DPY19L4: variants seen among roughly 807,000 people sequenced by gnomAD.
The protein encoded by DPY19L4 is probable C-mannosyltransferase DPY19L4.
In DPY19L4, 97 loss-of-function variants were observed where a neutral mutation model predicts 102.8. The ratio of observed to expected loss-of-function variants is 0.94; its 90% CI spans 0.80 to 1.12. DPY19L4 has a LOEUF of 1.12. Among genes scored for constraint, DPY19L4 ranks in the 50% most tolerant of loss-of-function variants. The pLI is 0.00. For synonymous variants in DPY19L4, 252 were observed against 283.1 expected (o/e 0.89, Z 1.10); for missense variants, 815 against 850.4 (o/e 0.96, Z 0.52).
At position 94,739,460 on chromosome 8, in the gene DPY19L4, A is replaced by G. The variant is rs370537621; in HGVS notation, c.391A>G (p.Ile131Val). 7 of 1,606,838 alleles carry G rather than the reference A, an allele frequency of 4.4e-6. No homozygotes were observed. The African/African-American group carries it at 9.4e-5, about 22-fold the overall frequency. The part of the protein sequence containing the change: ...HNNKTVSLKT[I>V]NAVQQMSLYP... ...TAACAAAACTGTATCTCTGAAGACT[A>G]TAAATGCAGTGCAGCAAATGTCTCT... The change falls in exon 5 of 19, where the codon ATA becomes GTA. Residue 131 changes from isoleucine to valine, a missense_variant. Physicochemically the swap from Ile to Val is conservative, Grantham distance 29. Coordinates refer to ENST00000414645, the MANE Select transcript of DPY19L4 (RefSeq NM_181787.3).
intron 14 of DPY19L4, among the ~76,000 whole-genome samples, chr8:94,779,757 CTT>C (rs1432793125): frequency 6.6e-6 from 1 of 152,184 alleles, no homozygotes; most frequent in African/African-American, 2.4e-5. Flanking sequence ...AGGGAGATAA[CTT>C]AGATGTTTCC....
intron 1 of DPY19L4, among the ~76,000 whole-genome samples, chr8:94,723,238 C>T (rs746076983): frequency 2.0e-5 from 3 of 152,030 alleles, no homozygotes; most frequent in Non-Finnish European, 4.4e-5. Context: ...TTTGGGAGGC[C>T]GAGGCGGGCA....
intron 1 of DPY19L4, among the ~76,000 whole-genome samples, chr8:94,723,780 C>A (rs555776986): frequency 4.8e-4 from 73 of 151,892 alleles, no homozygotes; most frequent in Non-Finnish European, 7.9e-4. Flanking sequence ...GTTTTTTTTC[C>A]CCTTGAAAAA....
In DPY19L4 at chr8:94,790,852, T is replaced by C. The variant is rs1206741154; in HGVS notation, c.*942T>C. 1 of 152,108 alleles carries C rather than the reference T, an allele frequency of 6.6e-6. No individual in the cohort carries two copies. The highest frequency in any genetic ancestry group is 1.9e-4 in the East Asian group (1 of 5,208). 9.4% of individuals were successfully genotyped at this position (152,108 alleles called of 1,614,324 possible). On this transcript the variant is annotated 3_prime_UTR_variant, in exon 19 of 19. Coordinates refer to ENST00000414645, the MANE Select transcript of DPY19L4 (RefSeq NM_181787.3). ...ACATGCAGATGTTGTTAAACGTACCTCTGCATACAGATATATTATAAAACA... is the reference window on the plus strand; with the variant it reads ...ACATGCAGATGTTGTTAAACGTACCCCTGCATACAGATATATTATAAAACA...
rs1287529797 is a variant in DPY19L4 at position 94,777,712 on chromosome 8, G to A, written c.1501G>A (p.Gly501Ser). The change falls in exon 14 of 19, where the codon GGT becomes AGT. Residue 501 changes from glycine to serine, a missense_variant. Transcript: ENST00000414645. ...TTATGTGTGCATGTTAGCAGCATTT[G>A]GTGTATGTTCTCCCGAACTTTGGAT... Reference protein sequence around the residue: ...IPYVCMLAAFGVCSPELWMTL... With the variant: ...IPYVCMLAAFSVCSPELWMTL... 4 of 1,613,840 alleles carry A rather than the reference G, an allele frequency of 2.5e-6. No individual in the cohort carries two copies. The highest frequency in any genetic ancestry group is 3.4e-6 in the Non-Finnish European group (4 of 1,179,974).
chr8:94,742,585 G>A lies in DPY19L4; in HGVS notation c.611+2795G>A, dbSNP rs376062892. ...TTTTTTTTTTTTTTTTTGAGATGGA[G>A]TCTTTCTCTGTTGCCCAGGCTGGAG... On this transcript the variant is annotated intron_variant, in intron 6 of 18. Transcript: ENST00000414645. 1.1e-4 allele frequency among the ~76,000 whole-genome samples: 16 copies of A among 146,708 alleles called. No individual in the cohort carries two copies. In the East Asian group the frequency reaches 3.3e-3, roughly 30 times the overall value.
chr8:94,789,905 T>C lies in DPY19L4; in HGVS notation c.2167T>C (p.Ser723Pro). 1 of 1,590,456 alleles carries C rather than the reference T, an allele frequency of 6.3e-7. No homozygotes were observed. The highest frequency in any genetic ancestry group is 8.5e-7 in the Non-Finnish European group (1 of 1,173,370). Residue 723 changes from serine (S) to proline (P), a missense_variant, in exon 19 of 19, where the codon TCT (serine) becomes CCT (proline). Physicochemically the swap from Ser to Pro is moderately conservative, Grantham distance 74. Transcript: ENST00000414645. ...AATCAACACTGTGATATCCTTCCAG[T>C]CTTGAAAAATAACAGAGCCTTCATT... is the stretch of plus-strand genomic sequence containing the variant. ...YKINTVISFQ[S>P]
chr8:94,720,259 C>T (rs1176975200), intron 1 of DPY19L4: 70 of 985,124 alleles, frequency 7.1e-5, no homozygotes, highest in Non-Finnish European at 8.2e-5. Context: ...GTTGGGAATC[C>T]GTAGCAAGAG....
chr8:94,719,945 G>T lies in DPY19L4; in HGVS notation c.-54G>T. 1 of 1,484,776 alleles carries T rather than the reference G, an allele frequency of 6.7e-7. No individual in the cohort carries two copies. The highest frequency in any genetic ancestry group is 9.0e-7 in the Non-Finnish European group (1 of 1,115,944). The allele number at this position is 1,484,776 out of a possible 1,614,324, so 92.0% of individuals were successfully genotyped here. ...CGAGGGGTTCGGCGACGCGGAGGGA[G>T]GGAGAGTCTGGGCCGCGCGGGAGCC... On this transcript the variant is annotated 5_prime_UTR_variant, in exon 1 of 19. It adds an upstream start codon to the 5' untranslated region. Coordinates refer to ENST00000414645, the MANE Select transcript of DPY19L4 (RefSeq NM_181787.3).
intron 6 of DPY19L4, among the ~76,000 whole-genome samples, chr8:94,754,767 A>G (rs1353823185): frequency 6.6e-6 from 1 of 152,136 alleles, no homozygotes; most frequent in Non-Finnish European, 1.5e-5. Context: ...ATTTAGGAGG[A>G]AGCTACAAAG....
chr8:94,783,365 A>G lies in DPY19L4; in HGVS notation c.1716-305A>G, dbSNP rs528089138. Among the ~76,000 whole-genome samples the G allele has an allele frequency of 4.6e-5, 7 of 152,282 alleles. No homozygotes were observed. The East Asian group carries it at 1.2e-3, about 25-fold the overall frequency. ...TCTAAAATAATATATTCTTGTTACTATCCCCTTACTCTGCATTATTTTTAA... is the reference window on the plus strand; with the variant it reads ...TCTAAAATAATATATTCTTGTTACTGTCCCCTTACTCTGCATTATTTTTAA... On this transcript the variant is annotated intron_variant, in intron 16 of 18. Coordinates refer to ENST00000414645, the MANE Select transcript of DPY19L4 (RefSeq NM_181787.3).
At position 94,755,868 on chromosome 8, in the gene DPY19L4, G is replaced by C. The variant is rs541448166; in HGVS notation, c.612-168G>C. ...CCACTGCACTCCAGCCTAGACGACA[G>C]AGCGAGACTCCATCTCAAAAAAAAA... is the stretch of plus-strand genomic sequence containing the variant. On this transcript the variant is annotated intron_variant, in intron 6 of 18. Coordinates refer to ENST00000414645, the MANE Select transcript of DPY19L4 (RefSeq NM_181787.3). Among the ~76,000 whole-genome samples the C allele has an allele frequency of 3.7e-3, 567 of 151,704 alleles. 3 individuals are homozygous for C. The highest frequency in any genetic ancestry group is 0.013 in the African/African-American group (548 of 41,318).
intron 17 of DPY19L4, 25 bp from the exon 18 acceptor site, chr8:94,787,869 T>G (rs1315043724): frequency 1.6e-6 from 2 of 1,262,274 alleles, no homozygotes; most frequent in African/African-American, 3.2e-5. Context: ...ATTCTTTCAG[T>G]TTTATTTTAA....
At chr8:94,724,971 CATT>C (rs1810625790) in intron 1 of DPY19L4, among the ~76,000 whole-genome samples, 1 of 151,638 alleles carries the variant, frequency 6.6e-6, no homozygotes, top group African/African-American at 2.4e-5. Context: ...AATGGGTAAA[CATT>C]AGATTCATCA....
intron 7 of DPY19L4, among the ~76,000 whole-genome samples, chr8:94,758,915 A>G (rs1372201168): frequency 6.6e-6 from 1 of 152,000 alleles, no homozygotes. Flanking sequence ...TTGTATTTTT[A>G]GTAGAGACGG....
chr8:94,725,532 A>G (rs1412529212), intron 1 of DPY19L4, among the ~76,000 whole-genome samples: 1 of 152,224 alleles, frequency 6.6e-6, no homozygotes, highest in Non-Finnish European at 1.5e-5. Context: ...TCTAATACCT[A>G]AATCTATAAG....
intron 2 of DPY19L4, among the ~76,000 whole-genome samples, chr8:94,730,622 G>A (rs931511562): frequency 2.0e-4 from 31 of 151,606 alleles, no homozygotes; most frequent in African/African-American, 7.5e-4. Flanking sequence ...GCACATGCCT[G>A]TAATCCCAGC....
Position 94,768,635 on chromosome 8 carries a change from G to C in DPY19L4, c.1334+82G>C, listed in dbSNP as rs566983491. On this transcript the variant is annotated intron_variant, in intron 12 of 18. Transcript: ENST00000414645. Reference sequence around the variant, plus strand: ...ATACTTATTTTTAATATTCTTCCAAGATTTCTGTATTTGTTTTAGAGCTTC... The same window carrying C: ...ATACTTATTTTTAATATTCTTCCAACATTTCTGTATTTGTTTTAGAGCTTC... The C allele has an allele frequency of 1.4e-3, 1,170 of 857,006 alleles. 1 individual carries two copies. Among genetic ancestry groups the C allele is most frequent in the Non-Finnish European group, 1.8e-3 (1,095 of 613,526 alleles). 53.1% of individuals were successfully genotyped at this position (857,006 alleles called of 1,614,324 possible). A position where few individuals can be genotyped will look rare whatever the true frequency, so the allele number is the denominator to read the frequency against.
intron 13 of DPY19L4, among the ~76,000 whole-genome samples, chr8:94,773,587 C>T (rs186793386): frequency 2.0e-5 from 3 of 151,962 alleles, no homozygotes; most frequent in African/African-American, 7.2e-5. Flanking sequence ...TGCGCCACCA[C>T]GCCCGGCTGA....
Sources: allele counts gnomAD v4.1 joint callset (sites outside exome capture counted in the v4.1 genomes callset), GRCh38; gene constraint gnomAD v4.1.1; transcripts MANE v1.5; gene names NCBI Gene and HGNC (gene_info 2026-07-23, HGNC 2026-07-21).